TMEM38B: variants seen among roughly 807,000 people sequenced by gnomAD.
The protein encoded by TMEM38B is trimeric intracellular cation channel type B.
In TMEM38B, 24 loss-of-function variants were observed where a neutral mutation model predicts 28.7. That is an observed-to-expected ratio of 0.84 (90% CI 0.61 to 1.18). The LOEUF (loss-of-function observed/expected upper bound fraction) is 1.18. Ranked by LOEUF, TMEM38B falls within the 50% of genes most tolerant of loss-of-function variation. The probability of loss-of-function intolerance (pLI) is 0.00; values close to 1 mark genes in which losing one functional copy is unlikely to be tolerated. For synonymous variants in TMEM38B, 131 were observed against 127.7 expected, an observed-to-expected ratio of 1.03 and a Z score of -0.17; for missense variants, 380 against 350.9, an observed-to-expected ratio of 1.08 and a Z score of -0.66.
chr9:105,734,030 TGTTA>T (rs1006851352), intron 4 of TMEM38B, among the ~76,000 whole-genome samples: 12 of 152,104 alleles, frequency 7.9e-5, no homozygotes, highest in East Asian at 1.9e-4. Flanking sequence ...TGATGCATAA[TGTTA>T]GTTATTTATT....
At chr9:105,761,049 G>C (rs1838026955) in intron 5 of TMEM38B, among the ~76,000 whole-genome samples, 1 of 152,130 alleles carries the variant, frequency 6.6e-6, no homozygotes, top group African/African-American at 2.4e-5. Context: ...TTTCAAAATT[G>C]AGCTATGTTC....
In TMEM38B at chr9:105,774,105, C is replaced by T; in HGVS notation, c.*25C>T. 1 of 1,601,172 alleles carries T rather than the reference C, an allele frequency of 6.2e-7. No homozygotes were observed. Among genetic ancestry groups the T allele is most frequent in the South Asian group, 1.1e-5 (1 of 89,270 alleles). Reference sequence around the variant, plus strand: ...AATTTACGTGATGAGCTCTACAAGGCCAAAAATTTTTTTTCTTATCTACCT... The same window carrying T: ...AATTTACGTGATGAGCTCTACAAGGTCAAAAATTTTTTTTCTTATCTACCT... On this transcript the variant is annotated 3_prime_UTR_variant, in exon 6 of 6. Transcript: ENST00000374692.
At chr9:105,759,611 C>G in intron 5 of TMEM38B, 2 of 1,573,538 alleles carry the variant, frequency 1.3e-6, no homozygotes, top group South Asian at 2.2e-5. Context: ...TCAGGGAATT[C>G]AAGTAAAGAG....
intron 5 of TMEM38B, chr9:105,759,759 T>C: frequency 6.2e-7 from 1 of 1,608,068 alleles, no homozygotes; most frequent in South Asian, 1.1e-5. Context: ...CATTCCGTGC[T>C]GGTTTTAAGA....
At chr9:105,745,126 TG>T (rs1837341254) in intron 4 of TMEM38B, among the ~76,000 whole-genome samples, 1 of 152,216 alleles carries the variant, frequency 6.6e-6, no homozygotes, top group East Asian at 1.9e-4. Context: ...CTGGGTCAAA[TG>T]GTATTTCTAG....
At chr9:105,756,155 CAAAT>C (rs528787995) in intron 5 of TMEM38B, among the ~76,000 whole-genome samples, 2 of 152,100 alleles carry the variant, frequency 1.3e-5, no homozygotes, top group Non-Finnish European at 2.9e-5. Context: ...TCTCAAAAAA[CAAAT>C]AAATAAATAA....
At chr9:105,716,046 T>C (rs1204105697) in intron 2 of TMEM38B, among the ~76,000 whole-genome samples, 4 of 152,240 alleles carry the variant, frequency 2.6e-5, no homozygotes, top group Non-Finnish European at 4.4e-5. Flanking sequence ...TTTGTTTTTA[T>C]GTAGTGTTCA....
intron 5 of TMEM38B, among the ~76,000 whole-genome samples, chr9:105,761,348 TTCAG>T (rs893841319): frequency 1.3e-5 from 2 of 152,170 alleles, no homozygotes; most frequent in African/African-American, 4.8e-5. Flanking sequence ...CCCCAACTGC[TTCAG>T]TCATTCATTT....
At chr9:105,735,451 A>G (rs1836938050) in intron 4 of TMEM38B, among the ~76,000 whole-genome samples, 1 of 152,200 alleles carries the variant, frequency 6.6e-6, no homozygotes, top group South Asian at 2.1e-4. Flanking sequence ...TGGCACTCTT[A>G]AGCATTTCTT....
chr9:105,720,831 C>G (rs1193811948), intron 2 of TMEM38B, among the ~76,000 whole-genome samples: 1 of 151,978 alleles, frequency 6.6e-6, no homozygotes, highest in African/African-American at 2.4e-5. Context: ...GATCTTACTG[C>G]TAGTATTCGA....
intron 4 of TMEM38B, among the ~76,000 whole-genome samples, chr9:105,732,660 TG>T (rs143053066): frequency 0.23 from 35,206 of 151,956 alleles, 6,663 homozygotes; most frequent in African/African-American, 0.5. Flanking sequence ...TCTGTTCCAT[TG>T]GTCTGTATCT....
intron 1 of TMEM38B, among the ~76,000 whole-genome samples, chr9:105,698,416 A>G (rs915859435): frequency 6.6e-6 from 1 of 152,084 alleles, no homozygotes; most frequent in South Asian, 2.1e-4. Flanking sequence ...GGATATCCCT[A>G]TATCTTTACA....
intron 5 of TMEM38B, chr9:105,758,522 A>G: frequency 8.0e-7 from 1 of 1,242,490 alleles, no homozygotes; most frequent in South Asian, 1.2e-5. Flanking sequence ...TTGGTCCTAA[A>G]GTTACAAGAC....
chr9:105,752,495 A>G (rs1189651793), intron 5 of TMEM38B, among the ~76,000 whole-genome samples: 1 of 152,178 alleles, frequency 6.6e-6, no homozygotes. Flanking sequence ...TTGCTGTTTC[A>G]TAGCCATCAC....
intron 4 of TMEM38B, among the ~76,000 whole-genome samples, chr9:105,734,364 G>A (rs1204632729): frequency 6.6e-6 from 1 of 151,998 alleles, no homozygotes; most frequent in African/African-American, 2.4e-5. Context: ...CCTAACATGT[G>A]GTCCATCCTG....
chr9:105,773,019 T>G (rs1460161408), intron 5 of TMEM38B, among the ~76,000 whole-genome samples: 7 of 152,182 alleles, frequency 4.6e-5, no homozygotes, highest in African/African-American at 1.4e-4. Context: ...GGGTCTTCTT[T>G]GAAAATTTGA....
At chr9:105,738,015 CA>C (rs1224047053) in intron 4 of TMEM38B, among the ~76,000 whole-genome samples, 1 of 152,098 alleles carries the variant, frequency 6.6e-6, no homozygotes, top group Non-Finnish European at 1.5e-5. Context: ...GCAGTGATAA[CA>C]AAACCTCAGG....
intron 5 of TMEM38B, among the ~76,000 whole-genome samples, chr9:105,769,389 CA>C (rs1311740018): frequency 6.6e-6 from 1 of 152,176 alleles, no homozygotes. Flanking sequence ...GATCACGGCT[CA>C]CTGCAGCCTT....
chr9:105,711,364 C>A (rs956738172), intron 2 of TMEM38B, among the ~76,000 whole-genome samples: 7 of 151,800 alleles, frequency 4.6e-5, no homozygotes, highest in African/African-American at 1.7e-4. Flanking sequence ...CAGCTTGAAC[C>A]TGGGAGGTGG....
Sources: gnomAD v4.1 joint callset for allele counts (sites outside exome capture counted in the v4.1 genomes callset) on GRCh38, gnomAD v4.1.1 for gene constraint, MANE v1.5 for transcripts, NCBI Gene and HGNC (gene_info 2026-07-23, HGNC 2026-07-21) for gene names.